The following PROM1 variants were observed in gnomAD, a reference collection of about 807,000 sequenced individuals.
The protein encoded by PROM1 is prominin-1.
In PROM1, 105 loss-of-function variants were observed where a neutral mutation model predicts 116.9. That is an observed-to-expected ratio of 0.90 (90% CI 0.77 to 1.06). The LOEUF is 1.06. PROM1 is among the 50% of genes least tolerant of loss of function. PROM1 has a pLI of 0.00. For synonymous variants in PROM1, 393 were observed against 387.0 expected, an observed-to-expected ratio of 1.02 and a Z score of -0.18; for missense variants, 1,122 against 1,045.2, an observed-to-expected ratio of 1.07 and a Z score of -1.01.
At chr4:15,982,143 G>A (rs1371165308) in intron 23 of PROM1, among the ~76,000 whole-genome samples, 1 of 152,140 alleles carries the variant, frequency 6.6e-6, no homozygotes, top group Non-Finnish European at 1.5e-5. Flanking sequence ...AACTTCCTAC[G>A]TAAGTTCGAG....
Position 16,013,438 on chromosome 4 carries a change from A to G in PROM1, c.1078-100T>C, listed in dbSNP as rs1727437481. ...CTCAGTACGAGTAGAGAGGCAAAAT[A>G]AAAATATAACATTCATCTTAAGGGT... On this transcript the variant is annotated intron_variant, in intron 10 of 27. Transcript: ENST00000447510. 13 of 779,834 alleles carry G rather than the reference A, an allele frequency of 1.7e-5. No homozygotes were observed. In the East Asian group the frequency reaches 2.9e-4, roughly 18 times the overall value. The allele number at this position is 779,834 out of a possible 1,614,324, so 48.3% of individuals were successfully genotyped here. A position where few individuals can be genotyped will look rare whatever the true frequency, so the allele number is the denominator to read the frequency against.
intron 9 of PROM1, 136 bp downstream of exon 9, chr4:16,018,187 A>C: frequency 1.3e-6 from 1 of 757,834 alleles, no homozygotes; most frequent in East Asian, 2.7e-5. Flanking sequence ...AAATGACTCA[A>C]GAAGGCTGAT....
chr4:16,005,495 GGTGTGT>G (rs3221933), intron 13 of PROM1, among the ~76,000 whole-genome samples: 17,690 of 145,738 alleles, frequency 0.12, 1,483 homozygotes, highest in African/African-American at 0.23. Flanking sequence ...TTGTTTGTTT[GGTGTGT>G]GTGTGTGTGT....
chr4:16,041,777 A>T (rs58566880), intron 2 of PROM1, among the ~76,000 whole-genome samples: 328 of 26,736 alleles, frequency 0.012, 4 homozygotes, highest in African/African-American at 0.025. Flanking sequence ...TAAATAAATA[A>T]ATAAATAAAT....
intron 15 of PROM1, among the ~76,000 whole-genome samples, chr4:15,994,825 GA>G (rs1560432575): frequency 1.3e-5 from 2 of 152,200 alleles, no homozygotes; most frequent in African/African-American, 4.8e-5. Flanking sequence ...ATGCCTGGAA[GA>G]AGCAACTTTC....
intron 15 of PROM1, among the ~76,000 whole-genome samples, chr4:15,996,002 T>C (rs950514506): frequency 6.6e-6 from 1 of 152,240 alleles, no homozygotes; most frequent in East Asian, 1.9e-4. Context: ...GTTAGTATGG[T>C]ACTTAGCTCG....
intron 13 of PROM1, among the ~76,000 whole-genome samples, chr4:16,006,286 C>A (rs974122834): frequency 6.6e-6 from 1 of 152,230 alleles, no homozygotes; most frequent in Non-Finnish European, 1.5e-5. Flanking sequence ...TGTGCTTAAG[C>A]TGGTCTATCA....
intron 11 of PROM1, among the ~76,000 whole-genome samples, chr4:16,010,627 C>T (rs1726670723): frequency 6.6e-6 from 1 of 152,164 alleles, no homozygotes; most frequent in South Asian, 2.1e-4. Context: ...CTCAGCCTCC[C>T]AAGTAGCTGG....
In PROM1 at chr4:16,033,606, T is replaced by C. The variant is rs1733286990; in HGVS notation, c.304-97A>G. ...AAGTTCTTTTTTTTTTTTTTTTTTT[T>C]TGAGACAGGGTCTCGCTCTGTTGCC... On this transcript the variant is annotated intron_variant, in intron 4 of 27. Transcript: ENST00000447510. 2.7e-6 allele frequency: 3 copies of C among 1,124,448 alleles called. No individual in the cohort carries two copies. In the East Asian group the frequency reaches 8.0e-5, roughly 30 times the overall value. 69.7% of individuals were successfully genotyped at this position (1,124,448 alleles called of 1,614,324 possible).
chr4:15,988,152 A>G (rs1290771497), intron 19 of PROM1, among the ~76,000 whole-genome samples: 2 of 152,188 alleles, frequency 1.3e-5, no homozygotes, highest in African/African-American at 4.8e-5. Context: ...CTGGGATTAC[A>G]GGTGTGAGCC....
chr4:16,038,886 C>A, intron 3 of PROM1, 60 bp downstream of exon 3: 1 of 1,417,366 alleles, frequency 7.1e-7, no homozygotes, highest in South Asian at 1.6e-5. Flanking sequence ...ACTTTCAAGT[C>A]AGCCAAAATT....
intron 16 of PROM1, 107 bp from the exon 17 acceptor site, chr4:15,992,498 A>T: frequency 8.2e-7 from 1 of 1,216,032 alleles, no homozygotes; most frequent in Admixed American, 2.6e-5. Flanking sequence ...CATGCCTGCA[A>T]TCCTAGCACT....
rs1263835699 is a variant in PROM1 at position 15,989,882 on chromosome 4, C to T, written c.1984-58G>A. 1.2e-5 allele frequency: 17 copies of T among 1,385,884 alleles called. No individual in the cohort carries two copies. In the African/African-American group the frequency reaches 1.9e-4, roughly 15 times the overall value. The allele number at this position is 1,385,884 out of a possible 1,614,324, so 85.8% of individuals were successfully genotyped here. On this transcript the variant is annotated intron_variant, in intron 18 of 27. Transcript: ENST00000447510. ...CATCTTTCCAGACTCAAAGCACTCT[C>T]GCTATCCTCAGGGGCCCTGTGTAGC...
intron 10 of PROM1, 150 bp downstream of exon 10, chr4:16,016,016 A>T: frequency 1.5e-6 from 1 of 669,482 alleles, no homozygotes; most frequent in East Asian, 2.8e-5. Flanking sequence ...AAGGATGAAC[A>T]CAATTGCCTG....
At chr4:15,997,454 T>G in intron 15 of PROM1, among the ~76,000 whole-genome samples, 1 of 150,688 alleles carries the variant, frequency 6.6e-6, no homozygotes. Context: ...TATATATACA[T>G]AGTTTTTTTG....
At chr4:16,048,158 A>G (rs945846295) in intron 2 of PROM1, among the ~76,000 whole-genome samples, 5 of 151,874 alleles carry the variant, frequency 3.3e-5, no homozygotes, top group African/African-American at 9.7e-5. Flanking sequence ...CAATCTGTCC[A>G]CTCCTGGGCT....
intron 2 of PROM1, among the ~76,000 whole-genome samples, chr4:16,044,669 A>C (rs907421722): frequency 2.6e-5 from 4 of 152,262 alleles, no homozygotes; most frequent in African/African-American, 4.8e-5. Flanking sequence ...ATAATATTCA[A>C]TTTAGAGACT....
At chr4:16,016,830 A>G (rs2149295110) in intron 9 of PROM1, among the ~76,000 whole-genome samples, 1 of 152,364 alleles carries the variant, frequency 6.6e-6, no homozygotes, top group Non-Finnish European at 1.5e-5. Context: ...TGGCCTGTTC[A>G]AAAATGTCTG....
rs2149081198 is a variant in PROM1 at position 15,986,051 on chromosome 4, CCA to C, written c.2131-16_2131-15del. On this transcript the variant is annotated splice_polypyrimidine_tract_variant and intron_variant, in intron 20 of 27. Coordinates refer to ENST00000447510, the MANE Select transcript of PROM1 (RefSeq NM_006017.3). Reference sequence around the variant, plus strand: ...AGTTACTCTCTCCTGAAAGACACAGCCACAGTTATCAGGGTATCAAGTCATAG... The same window carrying C: ...AGTTACTCTCTCCTGAAAGACACAGCCAGTTATCAGGGTATCAAGTCATAG... 1.3e-6 allele frequency: 2 copies of C among 1,527,944 alleles called. No homozygotes were observed. Among genetic ancestry groups the C allele is most frequent in the Non-Finnish European group, 1.8e-6 (2 of 1,116,422 alleles). The allele number at this position is 1,527,944 out of a possible 1,614,324, so 94.6% of individuals were successfully genotyped here. A position where few individuals can be genotyped will look rare whatever the true frequency, so the allele number is the denominator to read the frequency against.
Sources: gnomAD v4.1 joint callset for allele counts (sites outside exome capture counted in the v4.1 genomes callset) on GRCh38, gnomAD v4.1.1 for gene constraint, MANE v1.5 for transcripts, NCBI Gene and HGNC (gene_info 2026-07-23, HGNC 2026-07-21) for gene names.